FAM161B: variants seen among roughly 807,000 people sequenced by gnomAD.
The protein encoded by FAM161B is FAM161 centrosomal protein B, also known as protein FAM161B.
FAM161B carries 46 observed loss-of-function variants against 61.5 expected under a neutral mutation model. That is an observed-to-expected ratio of 0.75 (90% CI 0.59 to 0.96). FAM161B has a LOEUF of 0.96. Among genes scored for constraint, FAM161B ranks in the 40% least tolerant of loss-of-function variants. FAM161B has a pLI of 0.00. For missense variants in FAM161B, 774 were observed against 800.7 expected (o/e 0.97, Z 0.40); for synonymous variants, 284 against 302.7 (o/e 0.94, Z 0.64).
chr14:73,923,512 A>G, the FAM161B span: 1 of 1,612,802 alleles, frequency 6.2e-7, no homozygotes. Flanking sequence ...ACTGCAGTAA[A>G]TCCACAAGAG....
Position 73,942,357 on chromosome 14 carries a change from C to CT in FAM161B, c.1272+11dup, listed in dbSNP as rs1566674760. The CT allele has an allele frequency of 6.2e-7, 1 of 1,611,706 alleles. No individual in the cohort carries two copies. The highest frequency in any genetic ancestry group is 1.7e-5 in the Admixed American group (1 of 59,846). ...GCAGCCCTGACCCTCCCACAGCTGC[C>CT]TGGGCTCTCACCTGCCTCCTTCCGG... On this transcript the variant is annotated intron_variant, in intron 4 of 8. Coordinates refer to ENST00000286544, the MANE Select transcript of FAM161B (RefSeq NM_152445.3).
intron 2 of FAM161B, 37 bp from the exon 3 acceptor site, chr14:73,944,922 C>A: frequency 6.8e-7 from 1 of 1,475,892 alleles, no homozygotes; most frequent in African/African-American, 1.4e-5. Context: ...GAGGACAGGG[C>A]AGTCAGGAGG....
Position 73,932,583 on chromosome 14 carries a change from T to TATCA in FAM161B, c.*1669_*1672dup. 2.4e-6 allele frequency: 1 copy of TATCA among 409,698 alleles called. No homozygotes were observed. Among genetic ancestry groups the TATCA allele is most frequent in the East Asian group, 7.0e-5 (1 of 14,212 alleles). The allele number at this position is 409,698 out of a possible 1,614,324, so 25.4% of individuals were successfully genotyped here. On this transcript the variant is annotated 3_prime_UTR_variant, in exon 9 of 9. Coordinates refer to ENST00000286544, the MANE Select transcript of FAM161B (RefSeq NM_152445.3). ...CTTTAGTTAGAGCAGGCACTCTTGC[T>TATCA]ATCAGTCATCCTGTCTCCACAGCTA...
chr14:73,947,127 T>G (rs2056073946), intron 1 of FAM161B, among the ~76,000 whole-genome samples: 1 of 152,188 alleles, frequency 6.6e-6, no homozygotes, highest in African/African-American at 2.4e-5. Flanking sequence ...GGCTCATGCC[T>G]GTAATCCCAG....
rs1035955743 is a variant in FAM161B, at chr14:73,940,872, C to G, written c.1400+54G>C. 2.6e-6 allele frequency: 4 copies of G among 1,554,894 alleles called. No homozygotes were observed. In the Admixed American group the frequency reaches 6.1e-5, roughly 24 times the overall value. On this transcript the variant is annotated intron_variant, in intron 5 of 8. Coordinates refer to ENST00000286544, the MANE Select transcript of FAM161B (RefSeq NM_152445.3). Reference sequence around the variant, plus strand: ...AGGAGGCCCCTTGGCAGGGAGGTTTCCAGCATTTGGGGCCAGAATCAGAGC... The same window carrying G: ...AGGAGGCCCCTTGGCAGGGAGGTTTGCAGCATTTGGGGCCAGAATCAGAGC...
In FAM161B at chr14:73,944,548, C is replaced by T. The variant is rs192290829; in HGVS notation, c.712G>A (p.Glu238Lys). Residue 238 changes from glutamate (E) to lysine (K), a missense_variant, in exon 3 of 9, where the codon GAG becomes AAG. Coordinates refer to ENST00000286544, the MANE Select transcript of FAM161B (RefSeq NM_152445.3). Reference protein sequence around the residue: ...PLYQEIMERSEARRQAGIQKR... With the variant: ...PLYQEIMERSKARRQAGIQKR... ...TGGATCCCTGCCTGCCTTCGGGCCT[C>T]GCTGCGCTCCATGATCTCTTGGTAG... is the stretch of plus-strand genomic sequence containing the variant. The T allele has an allele frequency of 1.1e-4, 171 of 1,614,116 alleles. 2 individuals are homozygous for T. Among genetic ancestry groups the T allele is most frequent in the Admixed American group, 2.8e-4 (17 of 60,008 alleles).
intron 3 of FAM161B, among the ~76,000 whole-genome samples, chr14:73,943,836 G>C (rs2056039982): frequency 6.6e-6 from 1 of 152,200 alleles, no homozygotes; most frequent in Admixed American, 6.5e-5. Flanking sequence ...ACAGTGCCTG[G>C]AGCATGGCAC....
intron 5 of FAM161B, among the ~76,000 whole-genome samples, chr14:73,940,097 C>G (rs12895829): frequency 0.11 from 17,182 of 152,242 alleles, 1,270 homozygotes; most frequent in Admixed American, 0.19. Flanking sequence ...TGAGTACTCC[C>G]CTACATGCCC....
At chr14:73,942,946 T>TC (rs2140347165) in intron 3 of FAM161B, among the ~76,000 whole-genome samples, 1 of 152,222 alleles carries the variant, frequency 6.6e-6, no homozygotes, top group African/African-American at 2.4e-5. Flanking sequence ...TTTTTTTTTT[T>TC]CTGGAGAGCT....
In FAM161B at chr14:73,938,025, A is replaced by G; in HGVS notation, c.1488T>C (p.Ser496=). 6.2e-7 allele frequency: 1 copy of G among 1,614,186 alleles called. No homozygotes were observed. Among genetic ancestry groups the G allele is most frequent in the Non-Finnish European group, 8.5e-7 (1 of 1,180,014 alleles). The stretch of plus-strand genomic sequence containing the variant: ...CCATGGCTTTTGCACGCAAGGTCAC[A>G]GATTTGGACATTGCTTGAGACTTCT... The part of the protein sequence containing the change: ...HKKKSQAMSK[S]VTLRAKAMDP... The change falls in exon 6 of 9, where the codon TCT becomes TCC. Residue 496 remains serine, a synonymous_variant. Coordinates refer to ENST00000286544, the MANE Select transcript of FAM161B (RefSeq NM_152445.3).
intron 8 of FAM161B, among the ~76,000 whole-genome samples, chr14:73,935,250 G>A (rs754954842): frequency 1.2e-4 from 18 of 151,640 alleles, no homozygotes; most frequent in Non-Finnish European, 1.5e-4. Flanking sequence ...ATGGAGGGCC[G>A]GGCGCGGTCA....
chr14:73,948,050 G>A lies in FAM161B; in HGVS notation c.55-1445C>T, dbSNP rs974837256. On this transcript the variant is annotated intron_variant, in intron 1 of 8. Transcript: ENST00000286544. ...GATGATCCTCCCACCTCAGCCTCCC[G>A]AGTAGCTGGGACTACAGCACACACC... Among the ~76,000 whole-genome samples the A allele has an allele frequency of 2.6e-5, 4 of 152,092 alleles. No individual in the cohort carries two copies. The South Asian group carries it at 8.3e-4, about 32-fold the overall frequency.
chr14:73,949,474 TC>T, intron 1 of FAM161B, among the ~76,000 whole-genome samples: 1 of 151,518 alleles, frequency 6.6e-6, no homozygotes. Context: ...TTCCTTGGCC[TC>T]CCAAAGTGCT....
At position 73,942,656 on chromosome 14, in the gene FAM161B, C is replaced by T; in HGVS notation, c.985G>A (p.Ala329Thr). 1 of 1,614,120 alleles carries T rather than the reference C, an allele frequency of 6.2e-7. No individual in the cohort carries two copies. The highest frequency in any genetic ancestry group is 8.5e-7 in the Non-Finnish European group (1 of 1,180,030). The change falls in exon 4 of 9, where the codon GCC becomes ACC. Residue 329 changes from alanine to threonine, a missense_variant. Physicochemically the swap from Ala to Thr is moderately conservative, Grantham distance 58. Coordinates refer to ENST00000286544, the MANE Select transcript of FAM161B (RefSeq NM_152445.3). The stretch of plus-strand genomic sequence containing the variant: ...CTAGAGGAGGCGATAGGGGAAGAGG[C>T]CATCTGGAGCATGTCCAGGGCTCTC... ...QMRALDMLQM[A>T]SSPIASSSNR...
chr14:73,942,509 G>A lies in FAM161B; in HGVS notation c.1132C>T (p.Leu378Phe). The A allele has an allele frequency of 1.2e-6, 2 of 1,614,174 alleles. No individual in the cohort carries two copies. The highest frequency in any genetic ancestry group is 1.1e-5 in the South Asian group (1 of 91,086). The stretch of plus-strand genomic sequence containing the variant: ...GCTCTTCTCTGGAAGGCCTTGTAAA[G>A]GCCCTCATAGTCAGGGACCACAGGA... The part of the protein sequence containing the change: ...VNPVVPDYEG[L>F]YKAFQRRAAK... Residue 378 changes from leucine (L) to phenylalanine (F), a missense_variant, in exon 4 of 9, where the codon CTT becomes TTT. Physicochemically the swap from Leu to Phe is conservative, Grantham distance 22 (BLOSUM62 0). Coordinates refer to ENST00000286544, the MANE Select transcript of FAM161B (RefSeq NM_152445.3).
intron 8 of FAM161B, among the ~76,000 whole-genome samples, chr14:73,934,603 ATTTTTT>A (rs778237371): frequency 7.1e-6 from 1 of 141,336 alleles, no homozygotes; most frequent in Non-Finnish European, 1.6e-5. Flanking sequence ...CACCCAGCTA[ATTTTTT>A]TTTTTTTTTT....
At chr14:73,923,167 A>G in the FAM161B span, among the ~76,000 whole-genome samples, 4 of 152,158 alleles carry the variant, frequency 2.6e-5, no homozygotes, top group East Asian at 5.8e-4. Context: ...TGCTAACACC[A>G]TATTATTCTA....
chr14:73,948,915 C>T (rs1014587850), intron 1 of FAM161B, among the ~76,000 whole-genome samples: 9 of 152,064 alleles, frequency 5.9e-5, no homozygotes, highest in African/African-American at 2.2e-4. Flanking sequence ...GCCACCACAC[C>T]TGGCTAATTT....
chr14:73,941,757 C>A (rs758243), intron 4 of FAM161B, among the ~76,000 whole-genome samples: 6 of 151,906 alleles, frequency 3.9e-5, no homozygotes, highest in Admixed American at 6.5e-5. Flanking sequence ...CCAGGCTGGC[C>A]TGCGGTGGCA....
Sources: gnomAD v4.1 joint callset for allele counts (sites outside exome capture counted in the v4.1 genomes callset) on GRCh38, gnomAD v4.1.1 for gene constraint, MANE v1.5 for transcripts, NCBI Gene and HGNC (gene_info 2026-07-23, HGNC 2026-07-21) for gene names.